TEP1: variants seen among roughly 807,000 people sequenced by gnomAD.
TEP1 encodes telomerase associated protein 1.
A neutral mutation model predicts 306.3 loss-of-function variants in TEP1; 241 were observed. The observed-to-expected ratio is 0.79, with a 90% CI of 0.71 to 0.88. The LOEUF is 0.88. Ranked by LOEUF, TEP1 falls within the 40% of genes least tolerant of loss-of-function variation. The pLI is 0.00. For synonymous variants in TEP1, 1,289 were observed against 1,305.5 expected (o/e 0.99, Z 0.27); for missense variants, 3,051 against 3,276.1 (o/e 0.93, Z 1.68).
intron 2 of TEP1, among the ~76,000 whole-genome samples, chr14:20,407,296 C>G (rs972884414): frequency 6.6e-6 from 1 of 152,212 alleles, no homozygotes; most frequent in Non-Finnish European, 1.5e-5. Flanking sequence ...GCTATAGTAA[C>G]ATTAAGCTGG....
chr14:20,387,222 C>T (rs1414593697), intron 18 of TEP1, among the ~76,000 whole-genome samples: 4 of 148,986 alleles, frequency 2.7e-5, no homozygotes, highest in South Asian at 2.2e-4. Context: ...GCGTGAGCCA[C>T]GGCGCTCAGC....
intron 9 of TEP1, among the ~76,000 whole-genome samples, chr14:20,398,309 C>A (rs1174669222): frequency 6.8e-6 from 1 of 146,264 alleles, no homozygotes; most frequent in Non-Finnish European, 1.5e-5. Context: ...ACCTGGGAGG[C>A]GGAGGTTGAA....
intron 9 of TEP1, among the ~76,000 whole-genome samples, chr14:20,399,994 T>A (rs150965591): frequency 0.036 from 5,514 of 151,358 alleles, 129 homozygotes; most frequent in South Asian, 0.077. Flanking sequence ...CCGTCTCTAC[T>A]AAAAATACAA....
rs1566481101 is a variant in TEP1, at chr14:20,403,423, CT to C, written c.1219del (p.Arg407AspfsTer7). ...AAACCCTATGTACCTTGGAAAACAT[CT>C]GTGAGAAAATGGAGGCTCCATCCCC... ...SPGMEPPFSH[R>X]CFPRYIGFLR... On this transcript the variant is annotated frameshift_variant, in exon 7 of 55. Transcript: ENST00000262715. LOFTEE classifies it high-confidence loss of function. 1.2e-6 allele frequency: 2 copies of C among 1,614,184 alleles called. No individual in the cohort carries two copies. The highest frequency in any genetic ancestry group is 1.7e-6 in the Non-Finnish European group (2 of 1,180,040).
intron 48 of TEP1, 37 bp downstream of exon 48, chr14:20,372,974 T>A: frequency 6.2e-7 from 1 of 1,613,964 alleles, no homozygotes; most frequent in Non-Finnish European, 8.5e-7. Context: ...CAGGGTAGAA[T>A]TCACACAGAC....
intron 29 of TEP1, 23 bp from the exon 30 acceptor site, chr14:20,382,086 G>A: frequency 6.2e-7 from 1 of 1,613,438 alleles, no homozygotes; most frequent in Non-Finnish European, 8.5e-7. Context: ...GCTCTCTGAG[G>A]CCCTCATCTA....
chr14:20,411,698 A>G (rs1455825664), intron 1 of TEP1, among the ~76,000 whole-genome samples: 2 of 152,116 alleles, frequency 1.3e-5, no homozygotes, highest in Non-Finnish European at 1.5e-5. Context: ...AAAAAAGTAT[A>G]TACTGTTTTG....
chr14:20,390,860 G>A (rs1271670551), intron 14 of TEP1, 78 bp downstream of exon 14: 1 of 1,610,526 alleles, frequency 6.2e-7, no homozygotes, highest in Non-Finnish European at 8.5e-7. Flanking sequence ...TATTGTCTGT[G>A]CCTTTACCAA....
At position 20,403,769 on chromosome 14, in the gene TEP1, C is replaced by T. The variant is rs766624751; in HGVS notation, c.1148G>A (p.Arg383Gln). The change falls in exon 6 of 55, where the codon CGG becomes CAG. Residue 383 changes from arginine to glutamine, a missense_variant. Around this residue, in one of 3 missense-constraint regions of TEP1, gnomAD observed 1,507 missense variants for 1,550.5 expected, o/e 0.97. Transcript: ENST00000262715. ...GGGGTGTCTCTTGGCCCGGTGCTTC[C>T]GAGGGTTGTACTTAGCCAGCTGGTA... ...DEYQLAKYNP[R>Q]KHRAKRHPRR... is the part of the protein sequence containing the mutation. 3.1e-6 allele frequency: 5 copies of T among 1,614,048 alleles called. No individual in the cohort carries two copies. Among genetic ancestry groups the T allele is most frequent in the East Asian group, 2.2e-5 (1 of 44,880 alleles).
Position 20,391,720 on chromosome 14 carries a change from AGG to A in TEP1, c.1974_1975del (p.Leu659ArgfsTer28). ...CACAGAGAGGTTCACAGCTGTCTCTAGGGCCTGTCGGTACCTGTTCAGCATCT... is the reference window on the plus strand; with the variant it reads ...CACAGAGAGGTTCACAGCTGTCTCTAGCCTGTCGGTACCTGTTCAGCATCT... On this transcript the variant is annotated frameshift_variant, in exon 13 of 55. Coordinates refer to ENST00000262715, the MANE Select transcript of TEP1 (RefSeq NM_007110.5). LOFTEE classifies it high-confidence loss of function. 1 of 1,614,212 alleles carries A rather than the reference AGG, an allele frequency of 6.2e-7. No individual in the cohort carries two copies.
intron 1 of TEP1, among the ~76,000 whole-genome samples, chr14:20,408,842 AAC>A (rs1375103787): frequency 4.0e-5 from 6 of 151,320 alleles, no homozygotes; most frequent in Non-Finnish European, 2.9e-5. Flanking sequence ...TAAAAAAAAA[AAC>A]AACAAAAAGG....
At chr14:20,371,193 T>G in intron 51 of TEP1, 25 bp downstream of exon 51, 1 of 1,592,480 alleles carries the variant, frequency 6.3e-7, no homozygotes, top group Non-Finnish European at 8.6e-7. Context: ...ATGTTTGCTT[T>G]AGCACACACT....
chr14:20,378,425 A>C lies in TEP1; in HGVS notation c.5463T>G (p.Ala1821=), dbSNP rs1348497755. The change falls in exon 38 of 55, where the codon GCT becomes GCG. Residue 1821 remains alanine (A), a synonymous_variant. Coordinates refer to ENST00000262715, the MANE Select transcript of TEP1 (RefSeq NM_007110.5). ...EGQVIATGSW[A]GSISFFQVDG... ...CCACCTGGAAGAAGCTGATGCTGCC[A>C]GCCCAGCTGCCTGTGGCTATTACCT... 6.2e-7 allele frequency: 1 copy of C among 1,614,210 alleles called. No homozygotes were observed. The highest frequency in any genetic ancestry group is 8.5e-7 in the Non-Finnish European group (1 of 1,180,032).
intron 14 of TEP1, 21 bp downstream of exon 14, chr14:20,390,917 G>C: frequency 6.2e-7 from 1 of 1,613,670 alleles, no homozygotes; most frequent in African/African-American, 1.3e-5. Context: ...ATTTTTGGAT[G>C]GTGGGTGTTG....
At chr14:20,378,680 C>T in intron 37 of TEP1, 74 bp downstream of exon 37, 3 of 1,582,964 alleles carry the variant, frequency 1.9e-6, no homozygotes, top group Non-Finnish European at 8.7e-7. Context: ...GCCTCTGCCG[C>T]ACTGAGAGAA....
At chr14:20,410,457 C>G (rs1255391448) in intron 1 of TEP1, among the ~76,000 whole-genome samples, 2 of 152,078 alleles carry the variant, frequency 1.3e-5, no homozygotes, top group Admixed American at 6.6e-5. Flanking sequence ...GAGTCTTGCT[C>G]TGTCACCCAG....
Position 20,369,701 on chromosome 14 carries a change from A to C in TEP1, c.7396T>G (p.Ser2466Ala). The stretch of plus-strand genomic sequence containing the variant: ...GATTCAGGTTTGGCTTGAGTTATCG[A>C]TATTAGGGTCCTACTAGGATTCTCT... ...NLENPSRTLI[S>A]ITQAKPESES... Residue 2466 changes from serine to alanine, a missense_variant, in exon 52 of 55, where the codon TCG becomes GCG. Physicochemically the swap from Ser to Ala is moderately conservative, Grantham distance 99 (BLOSUM62 1). Coordinates refer to ENST00000262715, the MANE Select transcript of TEP1 (RefSeq NM_007110.5). 1 of 1,614,082 alleles carries C rather than the reference A, an allele frequency of 6.2e-7. No homozygotes were observed. Among genetic ancestry groups the C allele is most frequent in the Non-Finnish European group, 8.5e-7 (1 of 1,180,018 alleles).
At chr14:20,370,378 A>G (rs1398603869) in intron 51 of TEP1, among the ~76,000 whole-genome samples, 1 of 152,236 alleles carries the variant, frequency 6.6e-6, no homozygotes, top group Non-Finnish European at 1.5e-5. Context: ...AGCTAAAAAT[A>G]TTCTAATGTC....
chr14:20,387,850 C>A, intron 18 of TEP1, 55 bp downstream of exon 18: 1 of 1,539,252 alleles, frequency 6.5e-7, no homozygotes, highest in South Asian at 1.3e-5. Context: ...CAGGGTTTCC[C>A]AAGGTTTGAC....
Sources: gnomAD v4.1 joint callset for allele counts (sites outside exome capture counted in the v4.1 genomes callset) on GRCh38, gnomAD v4.1.1 for gene constraint, gnomAD v4.1.1 regional missense constraint, MANE v1.5 for transcripts, NCBI Gene and HGNC (gene_info 2026-07-23, HGNC 2026-07-21) for gene names.